CAST: variants seen among roughly 807,000 people sequenced by gnomAD.
The protein encoded by CAST is MIR583 host.
CAST carries 76 observed loss-of-function variants against 119.6 expected under a neutral mutation model. That is an observed-to-expected ratio of 0.64 (90% CI 0.53 to 0.77). The LOEUF is 0.77. Among genes scored for constraint, CAST ranks in the 30% least tolerant of loss-of-function variants. The probability of loss-of-function intolerance (pLI) is 0.00; values close to 1 mark genes in which losing one functional copy is unlikely to be tolerated. For missense variants in CAST, 953 were observed against 946.5 expected, an observed-to-expected ratio of 1.01 and a Z score of -0.09; for synonymous variants, 319 against 331.6, an observed-to-expected ratio of 0.96 and a Z score of 0.41.
chr5:96,709,205 C>G (rs1229548541), intron 3 of CAST, among the ~76,000 whole-genome samples: 1 of 152,230 alleles, frequency 6.6e-6, no homozygotes, highest in Non-Finnish European at 1.5e-5. Context: ...AGCTGCCTTA[C>G]CATTATTCTG....
chr5:96,561,374 A>G (rs113070166), intron 1 of CAST, among the ~76,000 whole-genome samples: 1 of 150,658 alleles, frequency 6.6e-6, no homozygotes, highest in Admixed American at 6.6e-5. Context: ...GAAAAAAAGG[A>G]AAATAAAAAA....
the CAST span, among the ~76,000 whole-genome samples, chr5:96,462,660 G>A: frequency 3.2e-4 from 48 of 152,094 alleles, no homozygotes; most frequent in African/African-American, 9.9e-4. Context: ...TTTCTGCACC[G>A]ATATTCTGAT....
At chr5:96,618,734 T>TA (rs1747526419) in intron 1 of CAST, among the ~76,000 whole-genome samples, 2 of 152,162 alleles carry the variant, frequency 1.3e-5, no homozygotes, top group South Asian at 4.1e-4. Context: ...TTGCCGGGCC[T>TA]CAGCTGCCTC....
the CAST span, among the ~76,000 whole-genome samples, chr5:96,504,860 G>A: frequency 2.0e-5 from 3 of 152,164 alleles, no homozygotes; most frequent in African/African-American, 7.2e-5. Context: ...TCGTATAAAT[G>A]GAATAACACA....
the CAST span, among the ~76,000 whole-genome samples, chr5:96,233,261 G>A: frequency 3.8e-4 from 58 of 152,056 alleles, no homozygotes; most frequent in African/African-American, 9.6e-4. Context: ...GCAAACTTTC[G>A]TGGAATTGAT....
the CAST span, among the ~76,000 whole-genome samples, chr5:96,212,291 C>CTT: frequency 6.6e-6 from 1 of 152,100 alleles, no homozygotes; most frequent in African/African-American, 2.4e-5. Context: ...CTAAGCACTG[C>CTT]TTTAGCTGTG....
chr5:96,650,304 G>T (rs1276856502), intron 1 of CAST, among the ~76,000 whole-genome samples: 1 of 152,166 alleles, frequency 6.6e-6, no homozygotes, highest in Non-Finnish European at 1.5e-5. Flanking sequence ...CCCTGTTAGA[G>T]GCCTCAGGTT....
At chr5:95,996,665 A>C in the CAST span, among the ~76,000 whole-genome samples, 1 of 152,170 alleles carries the variant, frequency 6.6e-6, no homozygotes, top group East Asian at 1.9e-4. Flanking sequence ...AATGATTCTC[A>C]AACTTCAGTG....
At chr5:96,060,428 G>A in the CAST span, among the ~76,000 whole-genome samples, 4 of 152,148 alleles carry the variant, frequency 2.6e-5, no homozygotes, top group African/African-American at 9.7e-5. Context: ...CAATAGTAGA[G>A]TTTCCTGGGG....
chr5:96,293,760 T>C, the CAST span, among the ~76,000 whole-genome samples: 1 of 152,026 alleles, frequency 6.6e-6, no homozygotes, highest in Non-Finnish European at 1.5e-5. Context: ...TGCCAGATTA[T>C]TATTATTATT....
chr5:96,700,660 A>G (rs1372867805), intron 3 of CAST, among the ~76,000 whole-genome samples: 1 of 152,244 alleles, frequency 6.6e-6, no homozygotes, highest in Non-Finnish European at 1.5e-5. Context: ...CTAAACATCA[A>G]CTAGAGAATC....
At chr5:96,283,315 A>C in the CAST span, among the ~76,000 whole-genome samples, 2 of 152,106 alleles carry the variant, frequency 1.3e-5, no homozygotes, top group Non-Finnish European at 2.9e-5. Flanking sequence ...GTCTTCCCTA[A>C]ATAATATTTA....
At chr5:96,200,336 CATTT>C in the CAST span, among the ~76,000 whole-genome samples, 1 of 152,124 alleles carries the variant, frequency 6.6e-6, no homozygotes, top group African/African-American at 2.4e-5. Flanking sequence ...TTTTGAAATT[CATTT>C]AAGATGATGA....
chr5:96,378,248 C>T, the CAST span, among the ~76,000 whole-genome samples: 8,540 of 152,130 alleles, frequency 0.056, 741 homozygotes, highest in African/African-American at 0.19. Context: ...GGAGCTCTAA[C>T]GTACAGTGTG....
At chr5:96,011,780 T>C in the CAST span, among the ~76,000 whole-genome samples, 1 of 152,198 alleles carries the variant, frequency 6.6e-6, no homozygotes, top group Admixed American at 6.5e-5. Context: ...GAATTGTAAG[T>C]CATTTTTAAT....
At chr5:96,188,288 T>C in the CAST span, among the ~76,000 whole-genome samples, 1 of 152,164 alleles carries the variant, frequency 6.6e-6, no homozygotes, top group East Asian at 1.9e-4. Flanking sequence ...CAAATCTCAT[T>C]CTCCTGAGTT....
the CAST span, among the ~76,000 whole-genome samples, chr5:96,440,426 G>A: frequency 6.6e-6 from 1 of 152,184 alleles, no homozygotes; most frequent in Non-Finnish European, 1.5e-5. Flanking sequence ...AAGAGAGAGA[G>A]GCTAAGACCA....
chr5:96,540,231 C>A (rs1745887370), intron 1 of CAST, among the ~76,000 whole-genome samples: 1 of 151,840 alleles, frequency 6.6e-6, no homozygotes, highest in African/African-American at 2.4e-5. Flanking sequence ...AAAAGTCAGC[C>A]CATGTAGTTA....
At chr5:96,397,470 C>T in the CAST span, 1 of 1,612,340 alleles carries the variant, frequency 6.2e-7, no homozygotes, top group African/African-American at 1.3e-5. Flanking sequence ...GTGCTAGTTC[C>T]TATGAAACAA....
Sources: gnomAD v4.1 joint callset for allele counts (sites outside exome capture counted in the v4.1 genomes callset) on GRCh38, gnomAD v4.1.1 for gene constraint, MANE v1.5 for transcripts, NCBI Gene and HGNC (gene_info 2026-07-23, HGNC 2026-07-21) for gene names.